The following SNTG1 variants were observed in gnomAD, a reference collection of about 807,000 sequenced individuals.
SNTG1 encodes the protein syntrophin gamma 1.
SNTG1 carries 39 observed loss-of-function variants against 74.7 expected under a neutral mutation model. That is an observed-to-expected ratio of 0.52 (90% CI 0.40 to 0.68). SNTG1 has a LOEUF of 0.68. Among genes scored for constraint, SNTG1 ranks in the 30% least tolerant of loss-of-function variants. The pLI is 0.00. For synonymous variants in SNTG1, 254 were observed against 217.1 expected (o/e 1.17, Z -1.49); for missense variants, 685 against 609.5 (o/e 1.12, Z -1.30).
At chr8:50,225,721 T>C (rs2085295793) in intron 2 of SNTG1, among the ~76,000 whole-genome samples, 1 of 152,214 alleles carries the variant, frequency 6.6e-6, no homozygotes, top group African/African-American at 2.4e-5. Context: ...GGATTTTGAA[T>C]ATTTAAGTGC....
In SNTG1 at chr8:50,395,506, G is replaced by GGTTTTTTTTTTTTTTTTTTT. The variant is rs58030144; in HGVS notation, c.27+1241_27+1242insGTTTTTTTTTTTTTTTTTTT. 2.9e-5 allele frequency among the ~76,000 whole-genome samples: 4 copies of GGTTTTTTTTTTTTTTTTTTT among 135,656 alleles called. 2 individuals carry two copies. The highest frequency in any genetic ancestry group is 6.2e-5 in the Non-Finnish European group (4 of 64,850). 89.0% of individuals were successfully genotyped at this position (135,656 alleles called of 152,430 possible). A position where few individuals can be genotyped will look rare whatever the true frequency, so the allele number is the denominator to read the frequency against. ...TTTAAATTTTAATTGTCTAATTTCT[G>GGTTTTTTTTTTTTTTTTTTT]TTTTTTTTTTTTTTTTTAATGGAGT... is the stretch of plus-strand genomic sequence containing the variant. On this transcript the variant is annotated intron_variant, in intron 3 of 18. Transcript: ENST00000642720.
intron 15 of SNTG1, among the ~76,000 whole-genome samples, chr8:50,659,059 C>A (rs1162024241): frequency 6.6e-6 from 1 of 151,612 alleles, no homozygotes; most frequent in Non-Finnish European, 1.5e-5. Context: ...TTGGGTGAGA[C>A]CTGGAATTAG....
intron 2 of SNTG1, among the ~76,000 whole-genome samples, chr8:50,249,822 G>A (rs1289151902): frequency 6.6e-5 from 10 of 152,016 alleles, no homozygotes; most frequent in Non-Finnish European, 1.2e-4. Context: ...ACAGGAAAAA[G>A]CTTTTTCCTA....
intron 2 of SNTG1, among the ~76,000 whole-genome samples, chr8:50,337,960 C>G (rs2091198990): frequency 6.6e-6 from 1 of 151,930 alleles, no homozygotes; most frequent in Non-Finnish European, 1.5e-5. Context: ...CACGGTGAAA[C>G]CCCGTCTCTA....
chr8:50,154,865 G>A (rs952891731), intron 1 of SNTG1, among the ~76,000 whole-genome samples: 1 of 152,084 alleles, frequency 6.6e-6, no homozygotes, highest in African/African-American at 2.4e-5. Flanking sequence ...AGACATTAGT[G>A]GAAAAAAGGT....
intron 1 of SNTG1, among the ~76,000 whole-genome samples, chr8:50,104,824 T>C (rs960915203): frequency 6.6e-6 from 1 of 151,952 alleles, no homozygotes; most frequent in Non-Finnish European, 1.5e-5. Flanking sequence ...CTTCTGGCCA[T>C]GTGTATGTCT....
intron 2 of SNTG1, among the ~76,000 whole-genome samples, chr8:50,292,704 C>T (rs1024594224): frequency 1.1e-4 from 16 of 152,164 alleles, no homozygotes; most frequent in African/African-American, 3.6e-4. Context: ...ATGACCAGGG[C>T]ATGGGAGAGG....
intron 1 of SNTG1, among the ~76,000 whole-genome samples, chr8:50,047,862 T>C (rs1313415745): frequency 6.6e-6 from 1 of 152,172 alleles, no homozygotes; most frequent in African/African-American, 2.4e-5. Context: ...CTAAGATGAT[T>C]TTTGAAAATT....
chr8:50,033,349 C>T (rs994915534), intron 1 of SNTG1, among the ~76,000 whole-genome samples: 1 of 152,054 alleles, frequency 6.6e-6, no homozygotes, highest in Non-Finnish European at 1.5e-5. Context: ...GTCTCGAACT[C>T]GCAACCTCAG....
intron 1 of SNTG1, among the ~76,000 whole-genome samples, chr8:50,014,846 A>G (rs2385699): frequency 0.53 from 80,815 of 151,948 alleles, 24,424 homozygotes; most frequent in East Asian, 0.8. Context: ...CGTAATCTAT[A>G]GAATTATTCC....
At chr8:50,026,497 A>C (rs527785372) in intron 1 of SNTG1, among the ~76,000 whole-genome samples, 1 of 152,208 alleles carries the variant, frequency 6.6e-6, no homozygotes, top group Non-Finnish European at 1.5e-5. Context: ...AATTAAATTC[A>C]TAAGAGTTTT....
chr8:50,561,389 AT>A (rs1387272281), intron 12 of SNTG1, among the ~76,000 whole-genome samples: 2 of 152,156 alleles, frequency 1.3e-5, no homozygotes, highest in African/African-American at 4.8e-5. Flanking sequence ...AAAACAGTTA[AT>A]TTACAAATTA....
At chr8:50,104,844 A>T (rs992374685) in intron 1 of SNTG1, among the ~76,000 whole-genome samples, 2 of 152,002 alleles carry the variant, frequency 1.3e-5, no homozygotes, top group African/African-American at 2.4e-5. Context: ...TTGTTTTGAG[A>T]AGTGTCTGTT....
intron 2 of SNTG1, among the ~76,000 whole-genome samples, chr8:50,333,578 C>A (rs1205014981): frequency 6.6e-6 from 1 of 152,204 alleles, no homozygotes; most frequent in Non-Finnish European, 1.5e-5. Context: ...CTGGAAACAG[C>A]ATTACCTAGC....
At chr8:49,993,851 C>T (rs965804997) in intron 1 of SNTG1, among the ~76,000 whole-genome samples, 12 of 152,092 alleles carry the variant, frequency 7.9e-5, no homozygotes, top group Non-Finnish European at 1.8e-4. Context: ...ATTGTGTTCT[C>T]TGGGATTTAT....
intron 2 of SNTG1, among the ~76,000 whole-genome samples, chr8:50,310,166 A>G (rs1292148115): frequency 6.6e-6 from 1 of 152,188 alleles, no homozygotes; most frequent in African/African-American, 2.4e-5. Flanking sequence ...TACCTACTCG[A>G]ACCATGTGGC....
At chr8:50,098,041 A>G (rs931305393) in intron 1 of SNTG1, among the ~76,000 whole-genome samples, 1 of 152,216 alleles carries the variant, frequency 6.6e-6, no homozygotes, top group African/African-American at 2.4e-5. Context: ...CCAAAATCTT[A>G]TAATTGTCAT....
intron 1 of SNTG1, among the ~76,000 whole-genome samples, chr8:49,950,509 C>T (rs1429101712): frequency 6.6e-6 from 1 of 151,988 alleles, no homozygotes; most frequent in Non-Finnish European, 1.5e-5. Flanking sequence ...TAAAATACAC[C>T]TTATTAATAT....
At chr8:50,348,805 T>C (rs2091560358) in intron 2 of SNTG1, among the ~76,000 whole-genome samples, 1 of 152,196 alleles carries the variant, frequency 6.6e-6, no homozygotes, top group Non-Finnish European at 1.5e-5. Context: ...AAAAGGCAAA[T>C]GCTTTGTATT....
Sources: gnomAD v4.1 joint callset for allele counts (sites outside exome capture counted in the v4.1 genomes callset) on GRCh38, gnomAD v4.1.1 for gene constraint, MANE v1.5 for transcripts, NCBI Gene and HGNC (gene_info 2026-07-23, HGNC 2026-07-21) for gene names.